Variants in KBTBD12 observed in about 807,000 individuals in gnomAD.
KBTBD12 encodes kelch repeat and BTB domain-containing protein 12.
A neutral mutation model predicts 58.7 loss-of-function variants in KBTBD12; 53 were observed. The observed-to-expected ratio is 0.90, with a 90% CI of 0.72 to 1.14. The LOEUF (loss-of-function observed/expected upper bound fraction) is 1.14. Ranked by LOEUF, KBTBD12 falls within the 50% of genes most tolerant of loss-of-function variation. KBTBD12 has a pLI of 0.00. For synonymous variants in KBTBD12, 236 were observed against 259.8 expected (o/e 0.91, Z 0.88); for missense variants, 704 against 751.3 (o/e 0.94, Z 0.74).
At chr3:127,928,876 T>A (rs1330456181) in intron 3 of KBTBD12, among the ~76,000 whole-genome samples, 1 of 152,218 alleles carries the variant, frequency 6.6e-6, no homozygotes, top group Non-Finnish European at 1.5e-5. Flanking sequence ...ATTTTGCCAT[T>A]TATATATAGT....
intron 4 of KBTBD12, among the ~76,000 whole-genome samples, chr3:127,937,901 T>A (rs1173877054): frequency 6.6e-6 from 1 of 152,198 alleles, no homozygotes; most frequent in African/African-American, 2.4e-5. Context: ...TTAAATTGCA[T>A]GTTTAATGTG....
rs759990251 is a variant in KBTBD12 at position 127,963,286 on chromosome 3, C to A, written c.1590C>A (p.Gly530=). 2 of 1,611,606 alleles carry A rather than the reference C, an allele frequency of 1.2e-6. No homozygotes were observed. Among genetic ancestry groups the A allele is most frequent in the South Asian group, 2.2e-5 (2 of 90,278 alleles). The change falls in exon 5 of 6, where the codon GGC becomes GGA. Residue 530 remains glycine (G), a synonymous_variant. Transcript: ENST00000405109. Reference sequence around the variant, plus strand: ...CAGATGGGGACTTTTGGCGAGAGGGCCCTCCCATGCCAAGTCCCCTCCTCT... The same window carrying A: ...CAGATGGGGACTTTTGGCGAGAGGGACCTCCCATGCCAAGTCCCCTCCTCT... The part of the protein sequence containing the change: ...YNPDGDFWRE[G]PPMPSPLLSL...
At chr3:127,978,152 T>C (rs1940817371) in intron 5 of KBTBD12, among the ~76,000 whole-genome samples, 1 of 152,228 alleles carries the variant, frequency 6.6e-6, no homozygotes, top group Non-Finnish European at 1.5e-5. Flanking sequence ...TGCAGCATTA[T>C]TTCTGAGCTC....
chr3:127,944,590 G>T (rs372359471), intron 4 of KBTBD12, among the ~76,000 whole-genome samples: 4 of 152,074 alleles, frequency 2.6e-5, no homozygotes, highest in Non-Finnish European at 5.9e-5. Context: ...CTTTAGGCTT[G>T]TCTATATGTA....
intron 4 of KBTBD12, among the ~76,000 whole-genome samples, chr3:127,946,266 A>G (rs1367201306): frequency 1.3e-5 from 2 of 152,126 alleles, no homozygotes; most frequent in East Asian, 1.9e-4. Context: ...CTTTCAATAA[A>G]GTGTCTTTAC....
chr3:127,933,301 G>A (rs1465742027), intron 4 of KBTBD12, among the ~76,000 whole-genome samples: 1 of 152,096 alleles, frequency 6.6e-6, no homozygotes, highest in Non-Finnish European at 1.5e-5. Context: ...TGCTAGAGTG[G>A]GGCTGGCTAC....
At chr3:127,918,378 G>T (rs73860728) in intron 1 of KBTBD12, among the ~76,000 whole-genome samples, 29,458 of 152,148 alleles carry the variant, frequency 0.19, 3,106 homozygotes, top group South Asian at 0.36. Context: ...TCAGGTAGAT[G>T]GGGGAGATAT....
chr3:127,973,639 A>G (rs776955830), intron 5 of KBTBD12, among the ~76,000 whole-genome samples: 62 of 106,168 alleles, frequency 5.8e-4, no homozygotes, highest in Middle Eastern at 4.9e-3. Flanking sequence ...AGGTTTCAGG[A>G]AAAAAAAAGT....
At chr3:127,957,615 T>A (rs1024373806) in intron 4 of KBTBD12, among the ~76,000 whole-genome samples, 7 of 152,066 alleles carry the variant, frequency 4.6e-5, no homozygotes, top group African/African-American at 1.7e-4. Flanking sequence ...AAAAGCCAGT[T>A]ATCACTTTCT....
At chr3:127,965,391 ATTGT>A (rs1233918661) in intron 5 of KBTBD12, among the ~76,000 whole-genome samples, 2 of 152,170 alleles carry the variant, frequency 1.3e-5, no homozygotes, top group African/African-American at 4.8e-5. Flanking sequence ...AAGATGGTAG[ATTGT>A]TTGGGATTCG....
intron 4 of KBTBD12, among the ~76,000 whole-genome samples, chr3:127,942,504 T>G (rs1050081789): frequency 6.6e-6 from 1 of 151,980 alleles, no homozygotes; most frequent in African/African-American, 2.4e-5. Flanking sequence ...TGCTCTCATT[T>G]TTAAAGGCTG....
At chr3:127,936,020 C>G (rs1457226419) in intron 4 of KBTBD12, among the ~76,000 whole-genome samples, 1 of 152,038 alleles carries the variant, frequency 6.6e-6, no homozygotes, top group Non-Finnish European at 1.5e-5. Flanking sequence ...GAAAATATAT[C>G]AATTATAAAC....
chr3:127,970,188 C>T (rs1430454515), intron 5 of KBTBD12, among the ~76,000 whole-genome samples: 1 of 152,080 alleles, frequency 6.6e-6, no homozygotes, highest in African/African-American at 2.4e-5. Context: ...TGCTCAACAT[C>T]ATTAGCCATT....
chr3:127,925,283 G>A (rs1355842849), intron 2 of KBTBD12, among the ~76,000 whole-genome samples: 1 of 152,138 alleles, frequency 6.6e-6, no homozygotes, highest in Non-Finnish European at 1.5e-5. Context: ...AGAATTATCA[G>A]GGAGAGACTA....
chr3:127,980,126 AT>A (rs1940848367), intron 5 of KBTBD12, among the ~76,000 whole-genome samples: 1 of 152,248 alleles, frequency 6.6e-6, no homozygotes, highest in African/African-American at 2.4e-5. Context: ...TTAAGTGCAC[AT>A]ATTAGTAGAC....
intron 2 of KBTBD12, among the ~76,000 whole-genome samples, chr3:127,926,723 T>C (rs1158203872): frequency 1.3e-5 from 2 of 152,182 alleles, no homozygotes; most frequent in Admixed American, 1.3e-4. Flanking sequence ...TACTTAAAAA[T>C]TGTACTCTGT....
At chr3:127,919,193 C>T (rs149486471) in intron 1 of KBTBD12, among the ~76,000 whole-genome samples, 29 of 152,162 alleles carry the variant, frequency 1.9e-4, no homozygotes, top group East Asian at 1.4e-3. Flanking sequence ...AAGCTACTCA[C>T]TATACTGAAT....
At chr3:127,965,667 G>T (rs538506218) in intron 5 of KBTBD12, among the ~76,000 whole-genome samples, 1 of 152,218 alleles carries the variant, frequency 6.6e-6, no homozygotes. Flanking sequence ...TTCAACATTT[G>T]GTGGGAAAGA....
chr3:127,952,575 T>C (rs1940230510), intron 4 of KBTBD12, among the ~76,000 whole-genome samples: 1 of 152,256 alleles, frequency 6.6e-6, no homozygotes. Context: ...ATTGTACATA[T>C]GTTTAGATTA....
Sources: gnomAD v4.1 joint callset for allele counts (sites outside exome capture counted in the v4.1 genomes callset) on GRCh38, gnomAD v4.1.1 for gene constraint, MANE v1.5 for transcripts, NCBI Gene and HGNC (gene_info 2026-07-23, HGNC 2026-07-21) for gene names.